Variants in TRIM3 observed in about 807,000 individuals in gnomAD.
The protein encoded by TRIM3 is tripartite motif-containing protein 3.
Under a neutral mutation model 66.6 loss-of-function variants are expected in TRIM3, and 13 were observed. The observed-to-expected ratio is 0.20, with a 90% confidence interval of 0.13 to 0.31. The LOEUF (loss-of-function observed/expected upper bound fraction) is 0.31, where lower values mean the gene tolerates loss of function less well. TRIM3 is among the 10% of genes least tolerant of loss of function. TRIM3 has a pLI of 1.00. For synonymous variants in TRIM3, 406 were observed against 411.7 expected (o/e 0.99, Z 0.17); for missense variants, 711 against 1,020.4 (o/e 0.70, Z 4.13).
rs769602140 is a variant in TRIM3, at chr11:6,457,328, C to T, written c.664G>A (p.Asp222Asn). ...TTGGCCCCACAAATGGTCTCCAGGT[C>T]GCTGACCAGAGCCTGCTTGCGCTGC... ...LQQRKQALVSDLETICGAKQK... is the reference protein window; with the variant it reads ...LQQRKQALVSNLETICGAKQK... Residue 222 changes from aspartate to asparagine, a missense_variant, in exon 5 of 12, where the codon GAC becomes AAC. By Grantham distance (23) the Asp-to-Asn change is conservative (BLOSUM62 1). This residue lies in a region of TRIM3 where 399 missense variants were observed against 458.1 expected (regional missense o/e 0.87). Transcript: ENST00000345851. This position sits in a 1 kb window ranked among gnomAD's most constrained non-coding sequence, Gnocchi z 4.5. 8 of 1,614,044 alleles carry T rather than the reference C, an allele frequency of 5.0e-6. No individual in the cohort carries two copies. The highest frequency in any genetic ancestry group is 1.3e-5 in the African/African-American group (1 of 74,930).
intron 1 of TRIM3, among the ~76,000 whole-genome samples, chr11:6,466,883 C>T (rs1850493083): frequency 6.6e-6 from 1 of 152,198 alleles, no homozygotes; most frequent in Non-Finnish European, 1.5e-5. Flanking sequence ...TACTTCTCTG[C>T]TTTCTCCACT....
chr11:6,473,387 G>T (rs1180754646), intron 1 of TRIM3: 1 of 144,810 alleles, frequency 6.9e-6, no homozygotes, highest in Non-Finnish European at 1.5e-5. Flanking sequence ...GGGTGGGGGT[G>T]GGGGAGCAAG....
chr11:6,472,618 G>C (rs536143101), intron 1 of TRIM3, among the ~76,000 whole-genome samples: 21 of 152,338 alleles, frequency 1.4e-4, no homozygotes, highest in Admixed American at 5.2e-4. Context: ...GGCTGTGGCA[G>C]TACCTGGCAC....
In TRIM3 at chr11:6,450,417, G is replaced by T; in HGVS notation, c.1941+134C>A. On this transcript the variant is annotated intron_variant, in intron 10 of 11. Transcript: ENST00000345851. The surrounding 1 kb of genome is among the most constrained non-coding windows in gnomAD (Gnocchi z 4.8). ...ATACTGCCTGGGACAAAGCAGCCAT[G>T]CATAAATGTGTAAATGTGTATTGTT... 1 of 771,448 alleles carries T rather than the reference G, an allele frequency of 1.3e-6. No individual in the cohort carries two copies. The highest frequency in any genetic ancestry group is 2.2e-6 in the Non-Finnish European group (1 of 452,278). The allele number at this position is 771,448 out of a possible 1,614,324, so 47.8% of individuals were successfully genotyped here.
chr11:6,468,286 T>C (rs1266959930), intron 1 of TRIM3, among the ~76,000 whole-genome samples: 1 of 152,218 alleles, frequency 6.6e-6, no homozygotes, highest in Non-Finnish European at 1.5e-5. Flanking sequence ...CTGTTCTATG[T>C]ATGCTAAGTA....
intron 2 of TRIM3, among the ~76,000 whole-genome samples, chr11:6,464,016 G>A (rs1163703380): frequency 2.0e-5 from 3 of 152,168 alleles, no homozygotes; most frequent in African/African-American, 4.8e-5. Flanking sequence ...GGAAAAGTGC[G>A]GATAGAGGCA....
intron 1 of TRIM3, among the ~76,000 whole-genome samples, chr11:6,470,719 C>A (rs1395101805): frequency 6.6e-6 from 1 of 152,146 alleles, no homozygotes; most frequent in Non-Finnish European, 1.5e-5. Flanking sequence ...AGAGATGGTT[C>A]CTGAAGCCAT....
chr11:6,457,632 C>T lies in TRIM3; in HGVS notation c.515+64G>A. ...CCCTTCCCAGACCCTTTATTCCCCT[C>T]CCCGCCCGAGCTAAGACACCATCCC... is the stretch of plus-strand genomic sequence containing the variant. On this transcript the variant is annotated intron_variant, in intron 4 of 11. Transcript: ENST00000345851. The surrounding 1 kb of genome is among the most constrained non-coding windows in gnomAD (Gnocchi z 4.5). The T allele has an allele frequency of 6.4e-7, 1 of 1,572,736 alleles. No individual in the cohort carries two copies. The highest frequency in any genetic ancestry group is 8.6e-7 in the Non-Finnish European group (1 of 1,157,140).
chr11:6,462,184 C>G (rs1850273204), intron 2 of TRIM3, among the ~76,000 whole-genome samples: 1 of 152,028 alleles, frequency 6.6e-6, no homozygotes. Context: ...CCCAAACACC[C>G]CTACTTCTCT....
chr11:6,450,673 TG>T lies in TRIM3; in HGVS notation c.1871-53del, dbSNP rs1490183105. ...CAGTAAGCTGGGATGCTGAGTGGGA[TG>T]GGGAAGAGTATCTGGGAAGATAAAA... On this transcript the variant is annotated intron_variant, in intron 9 of 11. Transcript: ENST00000345851. The surrounding 1 kb of genome is among the most constrained non-coding windows in gnomAD (Gnocchi z 4.8). The T allele has an allele frequency of 1.1e-5, 17 of 1,554,468 alleles. No homozygotes were observed. The highest frequency in any genetic ancestry group is 1.5e-5 in the Non-Finnish European group (17 of 1,126,508).
At position 6,458,037 on chromosome 11, in the gene TRIM3, G is replaced by A; in HGVS notation, c.363+28C>T. The A allele has an allele frequency of 1.3e-6, 2 of 1,577,938 alleles. No homozygotes were observed. Among genetic ancestry groups the A allele is most frequent in the Non-Finnish European group, 8.6e-7 (1 of 1,161,638 alleles). On this transcript the variant is annotated intron_variant, in intron 3 of 11. Transcript: ENST00000345851. The surrounding 1 kb of genome is among the most constrained non-coding windows in gnomAD (Gnocchi z 6.2). ...TCCTCCTCCTCCCACCCCAAGTCCCGGCCTCACTGGGCCTCGCTTGGGCCC... is the reference window on the plus strand; with the variant it reads ...TCCTCCTCCTCCCACCCCAAGTCCCAGCCTCACTGGGCCTCGCTTGGGCCC...
rs781314460 is a variant in TRIM3, at chr11:6,449,321, G to T, written c.2067C>A (p.Gly689=). 1 of 1,614,004 alleles carries T rather than the reference G, an allele frequency of 6.2e-7. No homozygotes were observed. The highest frequency in any genetic ancestry group is 1.1e-5 in the South Asian group (1 of 91,064). The change falls in exon 11 of 12, where the codon GGC becomes GGA. Residue 689 remains glycine, a synonymous_variant. Transcript: ENST00000345851. The surrounding 1 kb of genome is among the most constrained non-coding windows in gnomAD (Gnocchi z 5.3). ...SNGNIIVADW[G]NSRIQVFDSS... Reference sequence around the variant, plus strand: ...CCTTACTCACCTGGATGCGGCTGTTGCCCCAGTCAGCCACAATGATGTTTC... The same window carrying T: ...CCTTACTCACCTGGATGCGGCTGTTTCCCCAGTCAGCCACAATGATGTTTC...
chr11:6,472,018 C>T (rs1850703840), intron 1 of TRIM3, among the ~76,000 whole-genome samples: 1 of 152,060 alleles, frequency 6.6e-6, no homozygotes, highest in Admixed American at 6.6e-5. Context: ...CACCACTCAC[C>T]CACCCACACA....
intron 2 of TRIM3, among the ~76,000 whole-genome samples, chr11:6,459,991 G>A (rs755303014): frequency 5.3e-5 from 8 of 152,212 alleles, no homozygotes; most frequent in Non-Finnish European, 1.2e-4. Flanking sequence ...GGCTTCGGTA[G>A]CACTGGGAGA....
chr11:6,465,607 T>C lies in TRIM3; in HGVS notation c.89A>G (p.Gln30Arg). 1 of 1,614,150 alleles carries C rather than the reference T, an allele frequency of 6.2e-7. No homozygotes were observed. Among genetic ancestry groups the C allele is most frequent in the Non-Finnish European group, 8.5e-7 (1 of 1,180,020 alleles). ...LVCSICLDRY[Q>R]CPKVLPCLHT... ...CAGGCAAGGAAGAACCTTGGGGCAC[T>C]GGTACCGATCCAGGCAGATGCTGCA... is the stretch of plus-strand genomic sequence containing the variant. Residue 30 changes from glutamine (Q) to arginine (R), a missense_variant, in exon 2 of 12, where the codon CAG becomes CGG. Coordinates refer to ENST00000345851, the MANE Select transcript of TRIM3 (RefSeq NM_033278.4).
intron 1 of TRIM3, among the ~76,000 whole-genome samples, chr11:6,470,901 C>T (rs1362205103): frequency 6.6e-6 from 1 of 152,142 alleles, no homozygotes; most frequent in Non-Finnish European, 1.5e-5. Flanking sequence ...TCATGAATGC[C>T]AAGGGAGAAG....
chr11:6,470,770 G>A (rs1850657295), intron 1 of TRIM3, among the ~76,000 whole-genome samples: 1 of 152,204 alleles, frequency 6.6e-6, no homozygotes, highest in South Asian at 2.1e-4. Context: ...AAGAGAGAAA[G>A]GAGGGTCTAT....
At position 6,456,902 on chromosome 11, in the gene TRIM3, C is replaced by T. The variant is rs1458711562; in HGVS notation, c.824G>A (p.Arg275Gln). 1 of 1,612,312 alleles carries T rather than the reference C, an allele frequency of 6.2e-7. No homozygotes were observed. The highest frequency in any genetic ancestry group is 1.7e-5 in the Admixed American group (1 of 60,036). The change falls in exon 6 of 12, where the codon CGA becomes CAA. Residue 275 changes from arginine (R) to glutamine (Q), a missense_variant. By Grantham distance (43) the Arg-to-Gln change is conservative (BLOSUM62 1). Around this residue, in one of 3 missense-constraint regions of TRIM3, gnomAD observed 399 missense variants for 458.1 expected, o/e 0.87. Coordinates refer to ENST00000345851, the MANE Select transcript of TRIM3 (RefSeq NM_033278.4). The surrounding 1 kb of genome is among the most constrained non-coding windows in gnomAD (Gnocchi z 6.4). ...PEVLLVRKHM[R>Q]ERLAALAAQA... is the part of the protein sequence containing the mutation. ...TGCCGCCAATGCAGCCAGCCGCTCTCGCATGTGCTTGCGCACCAGCAACAC... is the reference window on the plus strand; with the variant it reads ...TGCCGCCAATGCAGCCAGCCGCTCTTGCATGTGCTTGCGCACCAGCAACAC...
At chr11:6,465,500 G>A in intron 2 of TRIM3, 65 bp downstream of exon 2, 1 of 1,593,550 alleles carries the variant, frequency 6.3e-7, no homozygotes, top group South Asian at 1.1e-5. Context: ...CCTCCCCACA[G>A]GGGAGGAGGA....
Sources: allele counts gnomAD v4.1 joint callset (sites outside exome capture counted in the v4.1 genomes callset), GRCh38; gene constraint gnomAD v4.1.1; regional missense constraint gnomAD v4.1.1; non-coding constraint Gnocchi (gnomAD v3.1); transcripts MANE v1.5; gene names NCBI Gene and HGNC (gene_info 2026-07-23, HGNC 2026-07-21).